Variants in AKAP19 observed in about 807,000 individuals in gnomAD.
The protein encoded by AKAP19 is A-kinase anchoring protein 19, also known as small A-kinase anchoring protein.
At chr2:190,107,442 C>T in the AKAP19 span, among the ~76,000 whole-genome samples, 11,973 of 151,932 alleles carry the variant, frequency 0.079, 788 homozygotes, top group African/African-American at 0.18. Context: ...TGTCTTCTTA[C>T]TCATCCACAT....
the AKAP19 span, among the ~76,000 whole-genome samples, chr2:190,195,859 A>T: frequency 6.7e-6 from 1 of 148,858 alleles, no homozygotes; most frequent in Non-Finnish European, 1.5e-5. Flanking sequence ...CTCCTATGTT[A>T]TCTTCTAGGA....
At chr2:190,058,734 C>T in the AKAP19 span, among the ~76,000 whole-genome samples, 3 of 151,862 alleles carry the variant, frequency 2.0e-5, no homozygotes, top group African/African-American at 4.8e-5. Flanking sequence ...GGCCATTATT[C>T]GAAGGGAATG....
the AKAP19 span, among the ~76,000 whole-genome samples, chr2:189,944,592 A>G: frequency 1.2e-4 from 18 of 152,350 alleles, no homozygotes; most frequent in East Asian, 2.7e-3. Context: ...GTTCCCAGGT[A>G]TATAAAGGAA....
the AKAP19 span, among the ~76,000 whole-genome samples, chr2:189,902,271 G>GT: frequency 5.3e-5 from 8 of 151,018 alleles, no homozygotes; most frequent in Non-Finnish European, 1.2e-4. Context: ...TATCCTATCT[G>GT]TTTTTTTTCC....
chr2:189,965,952 ATGTGTG>A, the AKAP19 span, among the ~76,000 whole-genome samples: 3 of 149,814 alleles, frequency 2.0e-5, no homozygotes, highest in African/African-American at 4.9e-5. Context: ...GTATGTATGT[ATGTGTG>A]TGTGTGTGTG....
chr2:190,175,056 AG>A, the AKAP19 span, among the ~76,000 whole-genome samples: 57 of 150,230 alleles, frequency 3.8e-4, no homozygotes, highest in Non-Finnish European at 7.7e-4. Flanking sequence ...TGGTGGGGGT[AG>A]GGGTGGTAGA....
chr2:190,035,892 T>C, the AKAP19 span, among the ~76,000 whole-genome samples: 13 of 152,200 alleles, frequency 8.5e-5, no homozygotes, highest in African/African-American at 3.1e-4. Flanking sequence ...ACAGATTTTA[T>C]TGTGGATGTA....
At chr2:190,024,826 C>G in the AKAP19 span, among the ~76,000 whole-genome samples, 2 of 152,152 alleles carry the variant, frequency 1.3e-5, no homozygotes, top group African/African-American at 2.4e-5. Flanking sequence ...ATCTATGTGT[C>G]TTTTGCCTCC....
the AKAP19 span, among the ~76,000 whole-genome samples, chr2:189,897,046 G>A: frequency 1.3e-5 from 2 of 152,066 alleles, no homozygotes; most frequent in Non-Finnish European, 2.9e-5. Flanking sequence ...ACTGTAGACT[G>A]TTAACTTTTC....
chr2:189,911,850 A>G, the AKAP19 span, among the ~76,000 whole-genome samples: 1 of 151,790 alleles, frequency 6.6e-6, no homozygotes, highest in Non-Finnish European at 1.5e-5. Flanking sequence ...ATTTTCTAAT[A>G]TTTCTTAAAA....
chr2:190,173,116 A>AAAAAG, the AKAP19 span, among the ~76,000 whole-genome samples: 1 of 149,274 alleles, frequency 6.7e-6, no homozygotes, highest in Non-Finnish European at 1.5e-5. Context: ...CTCCATCTCA[A>AAAAAG]AAAAAATAAA....
chr2:190,047,181 T>C, the AKAP19 span, among the ~76,000 whole-genome samples: 1 of 152,138 alleles, frequency 6.6e-6, no homozygotes, highest in African/African-American at 2.4e-5. Context: ...CCCAAGACCC[T>C]ATCTTTCCAG....
At chr2:190,183,581 T>C in the AKAP19 span, among the ~76,000 whole-genome samples, 3 of 152,182 alleles carry the variant, frequency 2.0e-5, no homozygotes, top group East Asian at 3.8e-4. Flanking sequence ...TGTCAAACTA[T>C]TAGTCTGTAA....
At chr2:190,185,470 T>C in the AKAP19 span, among the ~76,000 whole-genome samples, 1 of 152,226 alleles carries the variant, frequency 6.6e-6, no homozygotes, top group African/African-American at 2.4e-5. Flanking sequence ...AGATTTTCTT[T>C]ACTAGTTGGT....
At chr2:190,092,439 C>G in the AKAP19 span, among the ~76,000 whole-genome samples, 1 of 151,722 alleles carries the variant, frequency 6.6e-6, no homozygotes, top group Non-Finnish European at 1.5e-5. Context: ...GCACAGGGAT[C>G]CACCGTTTTG....
chr2:190,176,015 T>C, the AKAP19 span, among the ~76,000 whole-genome samples: 8 of 152,208 alleles, frequency 5.3e-5, no homozygotes, highest in Admixed American at 5.2e-4. The surrounding 1 kb of genome is among the most constrained non-coding windows in gnomAD (Gnocchi z 4.7). Context: ...CTACCAAACC[T>C]GCTTGTGCCA....
the AKAP19 span, among the ~76,000 whole-genome samples, chr2:190,008,754 ACACACACACACACACACC>A: frequency 1.8e-5 from 2 of 111,432 alleles, no homozygotes; most frequent in Admixed American, 1.1e-4. Context: ...ACACACACAC[ACACACACACACACACACC>A]CACCTGGTCT....
At chr2:190,141,607 C>G in the AKAP19 span, among the ~76,000 whole-genome samples, 1 of 152,104 alleles carries the variant, frequency 6.6e-6, no homozygotes, top group African/African-American at 2.4e-5. Context: ...ATCAAGAAAA[C>G]AGCAGCATGG....
At chr2:190,060,418 C>T in the AKAP19 span, 1 of 1,609,932 alleles carries the variant, frequency 6.2e-7, no homozygotes, top group Middle Eastern at 1.7e-4. Context: ...TTTCCATCCA[C>T]TTGCATTAGA....
Sources: allele counts gnomAD v4.1 joint callset (sites outside exome capture counted in the v4.1 genomes callset), GRCh38; gene constraint gnomAD v4.1.1; non-coding constraint Gnocchi (gnomAD v3.1); transcripts MANE v1.5; gene names NCBI Gene and HGNC (gene_info 2026-07-23, HGNC 2026-07-21).